MEF2C: variants seen among roughly 807,000 people sequenced by gnomAD.
MEF2C encodes myocyte enhancer factor 2C, also known as myocyte-specific enhancer factor 2C.
MEF2C carries 6 observed loss-of-function variants against 50.5 expected under a neutral mutation model. That is an observed-to-expected ratio of 0.12 (90% CI 0.07 to 0.23). The LOEUF is 0.23. Ranked by LOEUF, MEF2C falls within the 10% of genes least tolerant of loss-of-function variation. The pLI is 1.00. For missense variants in MEF2C, 276 were observed against 605.0 expected, an observed-to-expected ratio of 0.46 and a Z score of 5.70; for synonymous variants, 183 against 228.0, an observed-to-expected ratio of 0.80 and a Z score of 1.78.
At chr5:88,770,823 TCTC>T (rs1782063986) in intron 3 of MEF2C, among the ~76,000 whole-genome samples, 1 of 152,226 alleles carries the variant, frequency 6.6e-6, no homozygotes, top group Admixed American at 6.5e-5. Flanking sequence ...GGATGGCTGT[TCTC>T]CTTGAAAACC....
At chr5:88,856,836 G>A (rs907089831) in intron 1 of MEF2C, among the ~76,000 whole-genome samples, 2 of 152,230 alleles carry the variant, frequency 1.3e-5, no homozygotes, top group African/African-American at 2.4e-5. Context: ...TTTGTTTCAG[G>A]GGTGGAACCC....
intron 2 of MEF2C, among the ~76,000 whole-genome samples, chr5:88,811,769 T>C (rs1014131868): frequency 1.3e-5 from 2 of 152,252 alleles, no homozygotes; most frequent in African/African-American, 2.4e-5. Flanking sequence ...ATTATCCAGA[T>C]TGATAAAACA....
intron 1 of MEF2C, chr5:88,825,406 C>A (rs1810425360): frequency 1.2e-6 from 1 of 828,960 alleles, no homozygotes; most frequent in African/African-American, 1.8e-5. Context: ...AACTGCAGCT[C>A]AGTTCTGCCT....
At position 88,719,117 on chromosome 5, in the gene MEF2C, A is replaced by G. The variant is rs1288294325; in HGVS notation, c.*3487T>C. On this transcript the variant is annotated 3_prime_UTR_variant, in exon 11 of 11. Transcript: ENST00000504921. ...CAAAATAAAGAGGGCAAAAAATGCTATCTCTAAGTTAAAAGATGGGTATGT... is the reference window on the plus strand; with the variant it reads ...CAAAATAAAGAGGGCAAAAAATGCTGTCTCTAAGTTAAAAGATGGGTATGT... 6.6e-6 allele frequency: 1 copy of G among 152,224 alleles called. No individual in the cohort carries two copies. The highest frequency in any genetic ancestry group is 2.4e-5 in the African/African-American group (1 of 41,466). 9.4% of individuals were successfully genotyped at this position (152,224 alleles called of 1,614,324 possible). A position where few individuals can be genotyped will look rare whatever the true frequency, so the allele number is the denominator to read the frequency against.
At chr5:88,762,948 G>A (rs2152692508) in intron 3 of MEF2C, among the ~76,000 whole-genome samples, 1 of 152,298 alleles carries the variant, frequency 6.6e-6, no homozygotes, top group East Asian at 1.9e-4. Context: ...AAAGGGGGGT[G>A]TCAGTCTTAA....
At position 88,804,747 on chromosome 5, in the gene MEF2C, C is replaced by T. The variant is rs765658557; in HGVS notation, c.109G>A (p.Val37Met). ...GLMKKAYELS[V>M]LCDCEIALII... Reference sequence around the variant, plus strand: ...AGCGCAATCTCACAGTCACACAGCACGCTCAGCTCATAAGCCTTCTTCATC... The same window carrying T: ...AGCGCAATCTCACAGTCACACAGCATGCTCAGCTCATAAGCCTTCTTCATC... The change falls in exon 3 of 11, where the codon GTG becomes ATG. Residue 37 changes from valine (V) to methionine (M), a missense_variant. Val to Met is a conservative substitution (Grantham distance 21). Around this residue, in one of 2 missense-constraint regions of MEF2C, gnomAD observed 20 missense variants for 136.9 expected, o/e 0.15. Coordinates refer to ENST00000504921, the MANE Select transcript of MEF2C (RefSeq NM_002397.5). 1 of 1,614,044 alleles carries T rather than the reference C, an allele frequency of 6.2e-7. No individual in the cohort carries two copies. The highest frequency in any genetic ancestry group is 1.3e-5 in the African/African-American group (1 of 74,926).
intron 1 of MEF2C, among the ~76,000 whole-genome samples, chr5:88,894,267 A>G (rs1005361257): frequency 6.6e-6 from 1 of 152,226 alleles, no homozygotes; most frequent in African/African-American, 2.4e-5. Flanking sequence ...GTGCCAAACG[A>G]CATAAAACCA....
At chr5:88,869,302 T>TATATATATATATAC (rs1561421459) in intron 1 of MEF2C, among the ~76,000 whole-genome samples, 1 of 106,158 alleles carries the variant, frequency 9.4e-6, no homozygotes, top group Admixed American at 1.1e-4. Flanking sequence ...TATACACATA[T>TATATATATATATAC]ATATATATAT....
At chr5:88,868,341 G>A (rs1312905279) in intron 1 of MEF2C, among the ~76,000 whole-genome samples, 2 of 152,130 alleles carry the variant, frequency 1.3e-5, no homozygotes, top group African/African-American at 4.8e-5. Flanking sequence ...TTCAGTTTCG[G>A]TGAATACTGC....
At chr5:88,787,406 A>G (rs1791470314) in intron 3 of MEF2C, among the ~76,000 whole-genome samples, 1 of 151,792 alleles carries the variant, frequency 6.6e-6, no homozygotes, top group Admixed American at 6.6e-5. Flanking sequence ...TGCAATCCTC[A>G]TGACAGCCCC....
intron 6 of MEF2C, chr5:88,734,561 GTTTGTTTTTTTT>G (rs1197421305): frequency 3.1e-5 from 8 of 254,382 alleles, no homozygotes; most frequent in African/African-American, 1.1e-4. Context: ...CTTGAGAAAA[GTTTGTTTTTTTT>G]TTTTTTTTTT....
intron 1 of MEF2C, chr5:88,888,929 C>G (rs1190545732): frequency 2.0e-5 from 3 of 152,248 alleles, no homozygotes; most frequent in African/African-American, 7.2e-5. Flanking sequence ...TGATTCTATC[C>G]CATTTCTTGA....
intron 3 of MEF2C, among the ~76,000 whole-genome samples, chr5:88,790,993 C>T (rs1270043865): frequency 6.6e-6 from 1 of 152,152 alleles, no homozygotes; most frequent in African/African-American, 2.4e-5. Flanking sequence ...TCTAGGCAAG[C>T]CTCAGAATCA....
rs796428447 is a variant in MEF2C at position 88,719,296 on chromosome 5, C to A, written c.*3308G>T. On this transcript the variant is annotated 3_prime_UTR_variant, in exon 11 of 11. Transcript: ENST00000504921. ...CATCATTACAAAATGCTAAATTCCACCTTTGGGAAAAAATAAGCCATTTTA... is the reference window on the plus strand; with the variant it reads ...CATCATTACAAAATGCTAAATTCCAACTTTGGGAAAAAATAAGCCATTTTA... The A allele has an allele frequency of 8.5e-5, 13 of 152,162 alleles. No individual in the cohort carries two copies. Among genetic ancestry groups the A allele is most frequent in the African/African-American group, 3.1e-4 (13 of 41,520 alleles). 9.4% of individuals were successfully genotyped at this position (152,162 alleles called of 1,614,324 possible). A position where few individuals can be genotyped will look rare whatever the true frequency, so the allele number is the denominator to read the frequency against.
chr5:88,728,431 G>A (rs1256579273), intron 10 of MEF2C, 62 bp downstream of exon 10: 1 of 1,237,998 alleles, frequency 8.1e-7, no homozygotes, highest in Non-Finnish European at 1.0e-6. Flanking sequence ...CATATTTAGA[G>A]ACTGTCATTT....
At chr5:88,750,827 T>G (rs1471799532) in intron 5 of MEF2C, among the ~76,000 whole-genome samples, 1 of 152,250 alleles carries the variant, frequency 6.6e-6, no homozygotes, top group African/African-American at 2.4e-5. Flanking sequence ...TGTTTGGTTT[T>G]AATTGTAAGG....
chr5:88,776,227 G>A (rs1484087901), intron 3 of MEF2C, among the ~76,000 whole-genome samples: 2 of 151,886 alleles, frequency 1.3e-5, no homozygotes, highest in Non-Finnish European at 2.9e-5. Flanking sequence ...ATTTTAAATT[G>A]ACAAACAATA....
At chr5:88,766,514 A>G in intron 3 of MEF2C, 2 of 304,276 alleles carry the variant, frequency 6.6e-6, no homozygotes, top group Non-Finnish European at 9.6e-6. Flanking sequence ...AATGCTATTT[A>G]AGTAAAATTC....
chr5:88,738,971 G>A, intron 6 of MEF2C: 1 of 979,948 alleles, frequency 1.0e-6, no homozygotes, highest in South Asian at 4.7e-5. Flanking sequence ...TTGAGTGGAT[G>A]ATTAAATATG....
Sources: allele counts gnomAD v4.1 joint callset (sites outside exome capture counted in the v4.1 genomes callset), GRCh38; gene constraint gnomAD v4.1.1; regional missense constraint gnomAD v4.1.1; transcripts MANE v1.5; gene names NCBI Gene and HGNC (gene_info 2026-07-23, HGNC 2026-07-21).